The following CCDC158 variants were observed in gnomAD, a reference collection of about 807,000 sequenced individuals.
CCDC158 encodes the protein coiled-coil domain-containing protein 158.
A neutral mutation model predicts 138.6 loss-of-function variants in CCDC158; 116 were observed. That is an observed-to-expected ratio of 0.84 (90% CI 0.72 to 0.98). CCDC158 has a LOEUF of 0.98. Among genes scored for constraint, CCDC158 ranks in the 50% least tolerant of loss-of-function variants. The pLI, the probability that CCDC158 is intolerant of heterozygous loss-of-function variation, is 0.00. For synonymous variants in CCDC158, 436 were observed against 442.4 expected, an observed-to-expected ratio of 0.99 and a Z score of 0.18; for missense variants, 1,265 against 1,306.1, an observed-to-expected ratio of 0.97 and a Z score of 0.48.
chr4:76,324,981 CT>C (rs1720392810), intron 23 of CCDC158, among the ~76,000 whole-genome samples: 1 of 152,194 alleles, frequency 6.6e-6, no homozygotes, highest in Admixed American at 6.5e-5. Flanking sequence ...ATTTGTCAGT[CT>C]CTTTCTTCAG....
At chr4:76,333,039 G>A (rs889501431) in intron 19 of CCDC158, among the ~76,000 whole-genome samples, 8 of 152,184 alleles carry the variant, frequency 5.3e-5, no homozygotes, top group African/African-American at 1.9e-4. Flanking sequence ...AAATGAAAGT[G>A]CTCTGAAAAT....
intron 12 of CCDC158, among the ~76,000 whole-genome samples, chr4:76,366,119 C>G (rs554476178): frequency 1.3e-5 from 2 of 152,300 alleles, no homozygotes; most frequent in African/African-American, 4.8e-5. Context: ...TCTTCCTAAG[C>G]AAGGTAGAAC....
chr4:76,342,459 G>A (rs1722147994), intron 18 of CCDC158, among the ~76,000 whole-genome samples: 1 of 152,144 alleles, frequency 6.6e-6, no homozygotes, highest in African/African-American at 2.4e-5. Context: ...GTAGTTGTGG[G>A]AAATGAACTA....
intron 11 of CCDC158, among the ~76,000 whole-genome samples, chr4:76,368,426 T>C (rs1724901005): frequency 6.6e-6 from 1 of 152,236 alleles, no homozygotes; most frequent in Non-Finnish European, 1.5e-5. Flanking sequence ...TTCATCTTTC[T>C]TCTTGCCCAG....
At chr4:76,342,715 T>C (rs1215871176) in intron 18 of CCDC158, among the ~76,000 whole-genome samples, 5 of 152,156 alleles carry the variant, frequency 3.3e-5, no homozygotes, top group Non-Finnish European at 7.4e-5. Context: ...TAATAATAGA[T>C]TAGTAATGCT....
At chr4:76,401,449 G>A (rs1728380609) in intron 3 of CCDC158, 1 of 420,558 alleles carries the variant, frequency 2.4e-6, no homozygotes, top group Non-Finnish European at 4.6e-6. Context: ...TCAAGATTGT[G>A]CTGAGGCCTT....
At chr4:76,371,189 A>C (rs1035366948) in intron 10 of CCDC158, among the ~76,000 whole-genome samples, 6 of 152,244 alleles carry the variant, frequency 3.9e-5, no homozygotes, top group African/African-American at 1.4e-4. Context: ...GGCTATGTCA[A>C]GATCTCCTTC....
chr4:76,378,229 G>T (rs1725896586), intron 9 of CCDC158, among the ~76,000 whole-genome samples: 1 of 152,170 alleles, frequency 6.6e-6, no homozygotes, highest in African/African-American at 2.4e-5. Flanking sequence ...TTAAAATGGG[G>T]TGCCCAAAGA....
chr4:76,359,658 C>T (rs897002349), intron 13 of CCDC158, among the ~76,000 whole-genome samples: 8 of 152,188 alleles, frequency 5.3e-5, no homozygotes, highest in African/African-American at 1.9e-4. Flanking sequence ...TTTAGGGTAT[C>T]TGGCAGAAGA....
chr4:76,391,609 G>A (rs899406072), intron 4 of CCDC158, among the ~76,000 whole-genome samples: 4 of 151,426 alleles, frequency 2.6e-5, no homozygotes, highest in Admixed American at 2.0e-4. Context: ...TTTAAATGAT[G>A]TATTTTAAAG....
At chr4:76,340,364 C>T (rs937413566) in intron 18 of CCDC158, among the ~76,000 whole-genome samples, 31 of 152,206 alleles carry the variant, frequency 2.0e-4, no homozygotes, top group Admixed American at 2.0e-4. Flanking sequence ...AGGAATGGAT[C>T]CGTCACCCAT....
At chr4:76,409,046 A>C (rs1400552552) in intron 2 of CCDC158, among the ~76,000 whole-genome samples, 2 of 152,206 alleles carry the variant, frequency 1.3e-5, no homozygotes, top group Non-Finnish European at 2.9e-5. Context: ...CAAGAATTTT[A>C]AAACAACTGT....
intron 1 of CCDC158, among the ~76,000 whole-genome samples, chr4:76,420,058 G>A (rs1325231339): frequency 3.3e-5 from 5 of 151,234 alleles, no homozygotes; most frequent in African/African-American, 1.2e-4. Flanking sequence ...TTAACTCTAT[G>A]GCATGGAAAC....
chr4:76,365,286 T>G (rs1484239505), intron 12 of CCDC158, among the ~76,000 whole-genome samples: 1 of 152,158 alleles, frequency 6.6e-6, no homozygotes, highest in Non-Finnish European at 1.5e-5. Context: ...TTCCCCCACC[T>G]TTTTTTCTTA....
intron 4 of CCDC158, among the ~76,000 whole-genome samples, chr4:76,389,973 T>C (rs555247113): frequency 1.2e-4 from 19 of 152,114 alleles, no homozygotes; most frequent in Admixed American, 9.8e-4. Flanking sequence ...CTAAAGGGAG[T>C]TCTTCATTCT....
intron 18 of CCDC158, among the ~76,000 whole-genome samples, chr4:76,344,309 A>T (rs1722337898): frequency 6.6e-6 from 1 of 152,332 alleles, no homozygotes; most frequent in Admixed American, 6.5e-5. Context: ...GATGTGAGGG[A>T]CCTCTCCAAG....
intron 15 of CCDC158, among the ~76,000 whole-genome samples, chr4:76,354,891 T>C (rs1723396880): frequency 6.6e-6 from 1 of 152,244 alleles, no homozygotes; most frequent in Admixed American, 6.5e-5. Context: ...CTTAACAATT[T>C]AGTATGTGTA....
chr4:76,421,516 C>G (rs1730126930), upstream of CCDC158, among the ~76,000 whole-genome samples: 1 of 152,100 alleles, frequency 6.6e-6, no homozygotes, highest in South Asian at 2.1e-4. Context: ...CTTGCCCCCA[C>G]CCGAGCGCCT....
rs1723308553 is a variant in CCDC158, at chr4:76,354,145, G to T, written c.2287-864C>A. Among the ~76,000 whole-genome samples the T allele has an allele frequency of 2.7e-5, 4 of 150,314 alleles. No homozygotes were observed. The South Asian group carries it at 6.3e-4, about 24-fold the overall frequency. On this transcript the variant is annotated intron_variant, in intron 15 of 24. Coordinates refer to ENST00000682701, the MANE Select transcript of CCDC158 (RefSeq NM_001394954.1). ...CGATGAATATTTTCCTTTAGGCAAG[G>T]CAGGCATCTTTGTTGACAGCAGGCA...
Sources: allele counts gnomAD v4.1 joint callset (sites outside exome capture counted in the v4.1 genomes callset), GRCh38; gene constraint gnomAD v4.1.1; transcripts MANE v1.5; gene names NCBI Gene and HGNC (gene_info 2026-07-23, HGNC 2026-07-21).